The following CNTNAP2 variants were observed in gnomAD, a reference collection of about 807,000 sequenced individuals.
CNTNAP2 encodes contactin associated protein 2, also known as contactin-associated protein-like 2.
CNTNAP2 carries 98 observed loss-of-function variants against 155.2 expected under a neutral mutation model. That is an observed-to-expected ratio of 0.63 (90% CI 0.54 to 0.75). CNTNAP2 has a LOEUF of 0.75. Among genes scored for constraint, CNTNAP2 ranks in the 30% least tolerant of loss-of-function variants. The pLI, the probability that CNTNAP2 is intolerant of heterozygous loss-of-function variation, is 0.00. For missense variants in CNTNAP2, 1,727 were observed against 1,688.1 expected (o/e 1.02, Z -0.40); for synonymous variants, 651 against 631.2 (o/e 1.03, Z -0.47).
At chr7:147,279,813 G>A (rs1804989007) in intron 8 of CNTNAP2, among the ~76,000 whole-genome samples, 1 of 151,842 alleles carries the variant, frequency 6.6e-6, no homozygotes, top group African/African-American at 2.4e-5. Context: ...TATGATTCCT[G>A]TCTTGAGGTA....
intron 12 of CNTNAP2, among the ~76,000 whole-genome samples, chr7:147,601,625 A>G (rs921162304): frequency 1.7e-4 from 18 of 108,752 alleles, no homozygotes; most frequent in Non-Finnish European, 3.0e-4. Flanking sequence ...TCTCTTAAAG[A>G]CATTGACTCT....
At chr7:147,118,789 T>C (rs970840781) in intron 5 of CNTNAP2, among the ~76,000 whole-genome samples, 1 of 152,190 alleles carries the variant, frequency 6.6e-6, no homozygotes, top group African/African-American at 2.4e-5. Flanking sequence ...TTAAATTTGA[T>C]GTTAACACCA....
chr7:147,732,085 T>C (rs117435747), intron 13 of CNTNAP2, among the ~76,000 whole-genome samples: 29,083 of 151,810 alleles, frequency 0.19, 3,171 homozygotes, highest in Middle Eastern at 0.38. Context: ...ATGTGCACAG[T>C]GAGCAGGTTT....
At chr7:147,739,143 T>TA (rs1796911682) in intron 13 of CNTNAP2, among the ~76,000 whole-genome samples, 2 of 131,538 alleles carry the variant, frequency 1.5e-5, no homozygotes, top group Admixed American at 1.4e-4. Context: ...TCTCTGAAGT[T>TA]TTTTTTTTTT....
intron 1 of CNTNAP2, among the ~76,000 whole-genome samples, chr7:146,305,947 T>G (rs1800703238): frequency 6.6e-6 from 1 of 151,924 alleles, no homozygotes; most frequent in Admixed American, 6.6e-5. Context: ...AAAAAATCAA[T>G]GAATCCAGGA....
intron 1 of CNTNAP2, among the ~76,000 whole-genome samples, chr7:146,745,555 C>T (rs890186127): frequency 6.6e-6 from 1 of 151,804 alleles, no homozygotes; most frequent in Non-Finnish European, 1.5e-5. Flanking sequence ...TATCAGGAGG[C>T]CAGGAGATCG....
intron 1 of CNTNAP2, among the ~76,000 whole-genome samples, chr7:146,296,718 T>C (rs1800520108): frequency 6.7e-6 from 1 of 149,242 alleles, no homozygotes; most frequent in South Asian, 2.1e-4. Flanking sequence ...TTTGGCCACG[T>C]ATTTTAGTAT....
At chr7:147,802,277 T>A (rs1180737004) in intron 13 of CNTNAP2, among the ~76,000 whole-genome samples, 1 of 145,066 alleles carries the variant, frequency 6.9e-6, no homozygotes, top group Non-Finnish European at 1.5e-5. Context: ...GCAGAGACGC[T>A]CCTCACTTTC....
intron 1 of CNTNAP2, among the ~76,000 whole-genome samples, chr7:146,233,464 CTTTT>C (rs11453742): frequency 1.3e-5 from 2 of 149,244 alleles, no homozygotes; most frequent in African/African-American, 2.5e-5. Flanking sequence ...CTCTGTGACT[CTTTT>C]TTTTTTATTA....
chr7:148,166,821 C>G (rs1436777640), intron 17 of CNTNAP2, among the ~76,000 whole-genome samples: 1 of 152,112 alleles, frequency 6.6e-6, no homozygotes, highest in Non-Finnish European at 1.5e-5. Context: ...GCTTGAAGAC[C>G]TATAATTTAA....
At chr7:147,996,802 C>T (rs536063989) in intron 15 of CNTNAP2, among the ~76,000 whole-genome samples, 1 of 152,290 alleles carries the variant, frequency 6.6e-6, no homozygotes, top group South Asian at 2.1e-4. Context: ...AAATTACAAT[C>T]TGAAGTGAAC....
intron 13 of CNTNAP2, among the ~76,000 whole-genome samples, chr7:147,777,606 T>C (rs894942433): frequency 3.9e-5 from 6 of 152,230 alleles, no homozygotes; most frequent in Non-Finnish European, 1.5e-5. Context: ...TTTCAAGACC[T>C]TTCTAAGTGG....
intron 1 of CNTNAP2, among the ~76,000 whole-genome samples, chr7:146,455,549 C>T (rs1796543318): frequency 6.6e-6 from 1 of 152,102 alleles, no homozygotes; most frequent in African/African-American, 2.4e-5. Flanking sequence ...AGGAGGCATC[C>T]CTGTCTCGTT....
intron 9 of CNTNAP2, among the ~76,000 whole-genome samples, chr7:147,379,133 G>T (rs1796491131): frequency 6.6e-6 from 1 of 151,984 alleles, no homozygotes; most frequent in Admixed American, 6.6e-5. Context: ...AGTTTCCTGA[G>T]GCCTCCCCAG....
At chr7:147,102,474 A>G (rs778673455) in intron 4 of CNTNAP2, among the ~76,000 whole-genome samples, 14 of 152,130 alleles carry the variant, frequency 9.2e-5, no homozygotes, top group Admixed American at 3.3e-4. Flanking sequence ...GGTATGCAGA[A>G]ATGAAATCAG....
At chr7:147,321,939 A>G (rs533775888) in intron 9 of CNTNAP2, among the ~76,000 whole-genome samples, 1 of 152,330 alleles carries the variant, frequency 6.6e-6, no homozygotes, top group Non-Finnish European at 1.5e-5. Flanking sequence ...TGAAATTAAC[A>G]AGATGAAGAT....
chr7:146,602,678 CAT>C (rs1200941099), intron 1 of CNTNAP2, among the ~76,000 whole-genome samples: 5 of 152,130 alleles, frequency 3.3e-5, no homozygotes, highest in African/African-American at 1.2e-4. Context: ...GGAAAATACA[CAT>C]AGTGATTTAT....
intron 1 of CNTNAP2, among the ~76,000 whole-genome samples, chr7:146,369,213 G>A (rs1554424173): frequency 6.6e-6 from 1 of 151,568 alleles, no homozygotes; most frequent in Non-Finnish European, 1.5e-5. Context: ...GGCCATAAGA[G>A]GAAAACAGCA....
intron 12 of CNTNAP2, among the ~76,000 whole-genome samples, chr7:147,565,476 C>G (rs1800152459): frequency 6.6e-6 from 1 of 152,126 alleles, no homozygotes; most frequent in African/African-American, 2.4e-5. Flanking sequence ...ACCACTTGGG[C>G]TTCTATAAGA....
Sources: allele counts gnomAD v4.1 joint callset (sites outside exome capture counted in the v4.1 genomes callset), GRCh38; gene constraint gnomAD v4.1.1; transcripts MANE v1.5; gene names NCBI Gene and HGNC (gene_info 2026-07-23, HGNC 2026-07-21).